The following SLC43A1 variants were observed in gnomAD, a reference collection of about 807,000 sequenced individuals.
SLC43A1 encodes the protein solute carrier family 43 member 1.
Under a neutral mutation model 59.5 loss-of-function variants are expected in SLC43A1, and 31 were observed. That is an observed-to-expected ratio of 0.52 (90% CI 0.39 to 0.70). The LOEUF (loss-of-function observed/expected upper bound fraction) is 0.70. Ranked by LOEUF, SLC43A1 falls within the 30% of genes least tolerant of loss-of-function variation. The probability of loss-of-function intolerance (pLI) is 0.00; values close to 1 mark genes in which losing one functional copy is unlikely to be tolerated. For missense variants in SLC43A1, 598 were observed against 717.8 expected (o/e 0.83, Z 1.91); for synonymous variants, 259 against 290.9 (o/e 0.89, Z 1.12).
At chr11:57,491,939 T>G in intron 8 of SLC43A1, 77 bp from the exon 9 acceptor site, 1 of 1,402,480 alleles carries the variant, frequency 7.1e-7, no homozygotes, top group Non-Finnish European at 9.9e-7. Flanking sequence ...ATGCAGTTCT[T>G]GGGGGGAGTG....
intron 2 of SLC43A1, 22 bp from the exon 3 acceptor site, chr11:57,501,351 C>T (rs1022238971): frequency 6.2e-7 from 1 of 1,603,886 alleles, no homozygotes; most frequent in Non-Finnish European, 8.5e-7. Flanking sequence ...GAAGGGAGGG[C>T]TCAGCACATG....
chr11:57,510,907 A>G (rs1273449368), intron 2 of SLC43A1, among the ~76,000 whole-genome samples: 3 of 151,928 alleles, frequency 2.0e-5, no homozygotes, highest in Non-Finnish European at 4.4e-5. Context: ...GCTTGAACCC[A>G]GGAGGTGGAG....
chr11:57,505,763 A>G (rs1209501817), intron 2 of SLC43A1, among the ~76,000 whole-genome samples: 1 of 152,156 alleles, frequency 6.6e-6, no homozygotes, highest in African/African-American at 2.4e-5. Context: ...TAAACTGCAA[A>G]TGACTAGGTT....
At chr11:57,504,007 C>A (rs1057507057) in intron 2 of SLC43A1, among the ~76,000 whole-genome samples, 1 of 151,970 alleles carries the variant, frequency 6.6e-6, no homozygotes, top group African/African-American at 2.4e-5. Context: ...TCCTGGCTAA[C>A]ACGGTGAAAC....
rs1943833721 is a variant in SLC43A1 at position 57,489,315 on chromosome 11, G to A, written c.1271C>T (p.Thr424Ile). ...ACCCACAAGCAGCAGGTTGGTCAGG[G>A]TGAAGGCACTGATGGCATTGGTGAG... ...QKLTNAISAF[T>I]LTNLLLVGFG... Residue 424 changes from threonine (T) to isoleucine (I), a missense_variant, in exon 12 of 15, where the codon ACC becomes ATC. Transcript: ENST00000278426. 2 of 1,614,196 alleles carry A rather than the reference G, an allele frequency of 1.2e-6. No individual in the cohort carries two copies. The highest frequency in any genetic ancestry group is 1.1e-5 in the South Asian group (1 of 91,086).
rs1169944027 is a variant in SLC43A1 at position 57,514,107 on chromosome 11, G to A, written c.5C>T (p.Ala2Val). The change falls in exon 2 of 15, where the codon GCC becomes GTC. Residue 2 changes from alanine to valine, a missense_variant. Ala to Val is a moderately conservative substitution (Grantham distance 64). Transcript: ENST00000278426. The surrounding 1 kb of genome is among the most constrained non-coding windows in gnomAD (Gnocchi z 5.5). M[A>V]PTLQQAYRRR... ...CCGGTACGCCTGTTGCAGCGTGGGG[G>A]CCATGCTGGCCCCGAGCCTGCACAG... is the stretch of plus-strand genomic sequence containing the variant. 2 of 1,585,676 alleles carry A rather than the reference G, an allele frequency of 1.3e-6. No homozygotes were observed.
chr11:57,486,363 G>C (rs1452739794), intron 14 of SLC43A1, among the ~76,000 whole-genome samples: 1 of 152,042 alleles, frequency 6.6e-6, no homozygotes, highest in Non-Finnish European at 1.5e-5. Flanking sequence ...AGGTATGGTA[G>C]CCATCACCTG....
At position 57,489,285 on chromosome 11, in the gene SLC43A1, C is replaced by G. The variant is rs1488342317; in HGVS notation, c.1301G>C (p.Gly434Ala). 1 of 1,614,116 alleles carries G rather than the reference C, an allele frequency of 6.2e-7. No individual in the cohort carries two copies. The highest frequency in any genetic ancestry group is 8.5e-7 in the Non-Finnish European group (1 of 1,180,030). Residue 434 changes from glycine (G) to alanine (A), a missense_variant, in exon 12 of 15, where the codon GGC becomes GCC. Gly to Ala is a moderately conservative substitution (Grantham distance 60). Transcript: ENST00000278426. ...TAAGTTGTTGATGAGACAGGTGATG[C>G]CAAAACCCACAAGCAGCAGGTTGGT... ...TLTNLLLVGF[G>A]ITCLINNLHL...
Position 57,514,167 on chromosome 11 carries a change from C to T in SLC43A1, c.-13-43G>A. On this transcript the variant is annotated intron_variant, in intron 1 of 14. Transcript: ENST00000278426. This position sits in a 1 kb window ranked among gnomAD's most constrained non-coding sequence, Gnocchi z 5.5. ...GCTGGGTGAAGGGCCCCCCAGTGGC[C>T]CCAGGGAAGGGTCCTGCATCATGGT... The T allele has an allele frequency of 6.6e-7, 1 of 1,521,088 alleles. No individual in the cohort carries two copies. The highest frequency in any genetic ancestry group is 1.2e-5 in the South Asian group (1 of 80,316). The allele number at this position is 1,521,088 out of a possible 1,614,324, so 94.2% of individuals were successfully genotyped here. A position where few individuals can be genotyped will look rare whatever the true frequency, so the allele number is the denominator to read the frequency against.
At chr11:57,493,039 C>T (rs1411172265) in intron 8 of SLC43A1, among the ~76,000 whole-genome samples, 3 of 151,918 alleles carry the variant, frequency 2.0e-5, no homozygotes, top group Non-Finnish European at 2.9e-5. Flanking sequence ...GGCTCCATCT[C>T]GGGGCGGGGG....
chr11:57,508,773 G>A (rs1231595144), intron 2 of SLC43A1, among the ~76,000 whole-genome samples: 1 of 152,038 alleles, frequency 6.6e-6, no homozygotes, highest in Non-Finnish European at 1.5e-5. Context: ...CTAGCTGACA[G>A]AGTGAGACCC....
In SLC43A1 at chr11:57,496,103, C is replaced by T; in HGVS notation, c.620G>A (p.Cys207Tyr). 2 of 1,614,152 alleles carry T rather than the reference C, an allele frequency of 1.2e-6. No homozygotes were observed. The highest frequency in any genetic ancestry group is 1.7e-6 in the Non-Finnish European group (2 of 1,180,018). The change falls in exon 7 of 15, where the codon TGC becomes TAC. Residue 207 changes from cysteine (C) to tyrosine (Y), a missense_variant. Physicochemically the swap from Cys to Tyr is radical, Grantham distance 194 (BLOSUM62 -2). Coordinates refer to ENST00000278426, the MANE Select transcript of SLC43A1 (RefSeq NM_003627.6). ...VIMFTWSGLACLIFLNCTLNW... is the reference protein window; with the variant it reads ...VIMFTWSGLAYLIFLNCTLNW... ...GAGGGTGCAGTTCAGAAAGATAAGG[C>T]AGGCCAGGCCAGACCAGGTGAACAT...
chr11:57,495,363 G>GCCT (rs1944048115), intron 7 of SLC43A1, among the ~76,000 whole-genome samples: 1 of 151,948 alleles, frequency 6.6e-6, no homozygotes, highest in African/African-American at 2.4e-5. Context: ...GGTGGCGCGT[G>GCCT]CCTGTAATCC....
At chr11:57,513,469 A>G (rs1944604647) in intron 2 of SLC43A1, among the ~76,000 whole-genome samples, 1 of 152,220 alleles carries the variant, frequency 6.6e-6, no homozygotes, top group African/African-American at 2.4e-5. Context: ...TGAAGTGGAA[A>G]CCAGAGACTC....
intron 5 of SLC43A1, 89 bp downstream of exon 5, chr11:57,500,690 C>G: frequency 8.7e-7 from 1 of 1,145,082 alleles, no homozygotes; most frequent in South Asian, 1.3e-5. Flanking sequence ...GCCCCTCCCC[C>G]AGCCCATTCA....
At chr11:57,494,205 AG>A in intron 7 of SLC43A1, 34 bp from the exon 8 acceptor site, 1 of 1,589,688 alleles carries the variant, frequency 6.3e-7, no homozygotes, top group South Asian at 1.1e-5. Flanking sequence ...TAGAGGAACC[AG>A]TCACACAGAG....
chr11:57,501,368 G>A (rs748668733), intron 2 of SLC43A1, 39 bp from the exon 3 acceptor site: 69 of 1,596,990 alleles, frequency 4.3e-5, no homozygotes, highest in Non-Finnish European at 5.7e-5. Flanking sequence ...CATGACACCA[G>A]GAACAGCTGG....
rs1206245747 is a variant in SLC43A1 at position 57,491,308 on chromosome 11, C to T, written c.1109G>A (p.Cys370Tyr). 1 of 1,611,322 alleles carries T rather than the reference C, an allele frequency of 6.2e-7. No individual in the cohort carries two copies. The highest frequency in any genetic ancestry group is 8.5e-7 in the Non-Finnish European group (1 of 1,178,592). ...GTCCATGATGTAGCCAATGAGGGGG[C>T]AGGTGAGAAGGCACAACAGCTGCAT... ...GAMQLLCLLT[C>Y]PLIGYIMDWR... is the part of the protein sequence containing the mutation. The change falls in exon 11 of 15, where the codon TGC (cysteine) becomes TAC (tyrosine). Residue 370 changes from cysteine to tyrosine, a missense_variant. By Grantham distance (194) the Cys-to-Tyr change is radical. Transcript: ENST00000278426.
chr11:57,514,799 C>G lies in SLC43A1; in HGVS notation c.-14+645G>C. On this transcript the variant is annotated intron_variant, in intron 1 of 14. Coordinates refer to ENST00000278426, the MANE Select transcript of SLC43A1 (RefSeq NM_003627.6). This position sits in a 1 kb window ranked among gnomAD's most constrained non-coding sequence, Gnocchi z 5.5. ...CACTCACTCCGCAGGGCTCGGGGCA[C>G]CAGGCTTTGCACCTCGGAACCCGCT... The G allele has an allele frequency of 1.0e-6, 1 of 985,436 alleles. No homozygotes were observed. Among genetic ancestry groups the G allele is most frequent in the South Asian group, 4.7e-5 (1 of 21,290 alleles). 61.0% of individuals were successfully genotyped at this position (985,436 alleles called of 1,614,324 possible). A position where few individuals can be genotyped will look rare whatever the true frequency, so the allele number is the denominator to read the frequency against.
Sources: allele counts gnomAD v4.1 joint callset (sites outside exome capture counted in the v4.1 genomes callset), GRCh38; gene constraint gnomAD v4.1.1; non-coding constraint Gnocchi (gnomAD v3.1); transcripts MANE v1.5; gene names NCBI Gene and HGNC (gene_info 2026-07-23, HGNC 2026-07-21).